ARHGAP24: variants seen among roughly 807,000 people sequenced by gnomAD.
The protein encoded by ARHGAP24 is rho GTPase-activating protein 24.
A neutral mutation model predicts 76.4 loss-of-function variants in ARHGAP24; 50 were observed. That is an observed-to-expected ratio of 0.65 (90% CI 0.52 to 0.83). ARHGAP24 has a LOEUF of 0.83. ARHGAP24 is among the 40% of genes least tolerant of loss of function. The pLI, the probability that ARHGAP24 is intolerant of heterozygous loss-of-function variation, is 0.00. For missense variants in ARHGAP24, 930 were observed against 914.2 expected, an observed-to-expected ratio of 1.02 and a Z score of -0.22; for synonymous variants, 345 against 323.3, an observed-to-expected ratio of 1.07 and a Z score of -0.72.
chr4:86,001,164 A>C lies in ARHGAP24; in HGVS notation c.*442A>C. ...ATTTCCCTTTTTTGCTGAGGAAATG[A>C]AGATAAGCAAAAATATAAATATATA... is the stretch of plus-strand genomic sequence containing the variant. On this transcript the variant is annotated 3_prime_UTR_variant, in exon 10 of 10. Coordinates refer to ENST00000395184, the MANE Select transcript of ARHGAP24 (RefSeq NM_001025616.3). 5.1e-6 allele frequency: 2 copies of C among 392,958 alleles called. No homozygotes were observed. The highest frequency in any genetic ancestry group is 8.9e-6 in the Non-Finnish European group (2 of 223,474). 24.3% of individuals were successfully genotyped at this position (392,958 alleles called of 1,614,324 possible).
chr4:86,000,788 C>A lies in ARHGAP24; in HGVS notation c.*66C>A. ...CTCCAGGGATTCTGGTGGGATATGA[C>A]TTAGAACCAGGTGGCTGGTCACCTG... On this transcript the variant is annotated 3_prime_UTR_variant, in exon 10 of 10. Transcript: ENST00000395184. The A allele has an allele frequency of 6.2e-7, 1 of 1,608,518 alleles. No individual in the cohort carries two copies. Among genetic ancestry groups the A allele is most frequent in the Non-Finnish European group, 8.5e-7 (1 of 1,176,994 alleles).
At chr4:85,667,821 G>C (rs575719632) in intron 2 of ARHGAP24, among the ~76,000 whole-genome samples, 9 of 152,094 alleles carry the variant, frequency 5.9e-5, no homozygotes, top group African/African-American at 2.2e-4. Flanking sequence ...ATTACCCACC[G>C]ACTTGTCTGA....
chr4:85,786,413 C>G (rs1727846283), intron 3 of ARHGAP24, among the ~76,000 whole-genome samples: 1 of 152,164 alleles, frequency 6.6e-6, no homozygotes, highest in African/African-American at 2.4e-5. Flanking sequence ...GTAGGGGAAG[C>G]CTTCCACACA....
intron 5 of ARHGAP24, among the ~76,000 whole-genome samples, chr4:85,964,291 GA>G (rs202239216): frequency 1.3e-4 from 20 of 150,676 alleles, no homozygotes; most frequent in Admixed American, 4.0e-4. Context: ...CATCCACTGT[GA>G]AAAAAAAATG....
chr4:85,903,917 T>TC (rs1002368022), intron 3 of ARHGAP24, among the ~76,000 whole-genome samples: 4 of 152,178 alleles, frequency 2.6e-5, no homozygotes, highest in African/African-American at 9.7e-5. Flanking sequence ...TATTTTCCTT[T>TC]CTTGAGTTTT....
intron 1 of ARHGAP24, among the ~76,000 whole-genome samples, chr4:85,481,475 A>G (rs1342011830): frequency 6.6e-6 from 1 of 152,168 alleles, no homozygotes; most frequent in African/African-American, 2.4e-5. Context: ...GGTCTTCTAG[A>G]TGACAGCATC....
chr4:85,879,733 AT>A, intron 3 of ARHGAP24, among the ~76,000 whole-genome samples: 1 of 152,144 alleles, frequency 6.6e-6, no homozygotes, highest in East Asian at 1.9e-4. Flanking sequence ...TATGTATTTA[AT>A]TAAATGTATT....
chr4:85,515,935 G>A (rs1419879596), intron 1 of ARHGAP24, among the ~76,000 whole-genome samples: 1 of 152,176 alleles, frequency 6.6e-6, no homozygotes, highest in East Asian at 1.9e-4. Flanking sequence ...TGCCAATGGA[G>A]GGTGCTGTCA....
chr4:86,001,515 G>T lies in ARHGAP24; in HGVS notation c.*793G>T. The T allele has an allele frequency of 2.5e-6, 1 of 398,292 alleles. No individual in the cohort carries two copies. The highest frequency in any genetic ancestry group is 1.3e-4 in the South Asian group (1 of 7,722). 24.7% of individuals were successfully genotyped at this position (398,292 alleles called of 1,614,324 possible). On this transcript the variant is annotated 3_prime_UTR_variant, in exon 10 of 10. Coordinates refer to ENST00000395184, the MANE Select transcript of ARHGAP24 (RefSeq NM_001025616.3). ...AAAATGGTAAAGAATGGCATTTAAC[G>T]ATTCAGGCTTTGAATTACTCTGTCC...
chr4:85,549,743 G>T (rs1259358179), intron 1 of ARHGAP24, among the ~76,000 whole-genome samples: 2 of 152,102 alleles, frequency 1.3e-5, no homozygotes, highest in East Asian at 1.9e-4. Context: ...GTAGTTTTTT[G>T]ATCCTTATGC....
intron 3 of ARHGAP24, among the ~76,000 whole-genome samples, chr4:85,724,518 TATATATATATAG>T (rs1265814934): frequency 8.6e-5 from 9 of 104,204 alleles, no homozygotes; most frequent in Admixed American, 6.4e-4. Context: ...TATATATATA[TATATATATATAG>T]GAATTTTTAT....
intron 2 of ARHGAP24, among the ~76,000 whole-genome samples, chr4:85,592,420 T>C (rs545823038): frequency 9.2e-4 from 140 of 152,350 alleles, no homozygotes; most frequent in African/African-American, 3.2e-3. Context: ...TCTGGTGTAA[T>C]AATTACATCA....
chr4:85,889,808 G>C, intron 3 of ARHGAP24, among the ~76,000 whole-genome samples: 1 of 152,180 alleles, frequency 6.6e-6, no homozygotes, highest in East Asian at 1.9e-4. Context: ...ATAGTAGCAA[G>C]AGCAATCACA....
At chr4:85,782,811 T>C (rs1331160993) in intron 3 of ARHGAP24, among the ~76,000 whole-genome samples, 2 of 152,214 alleles carry the variant, frequency 1.3e-5, no homozygotes, top group Non-Finnish European at 2.9e-5. Context: ...TTCTGGACAG[T>C]TGAAGAGGTA....
intron 6 of ARHGAP24, among the ~76,000 whole-genome samples, chr4:85,974,638 A>G (rs531511094): frequency 1.8e-4 from 27 of 152,226 alleles, no homozygotes; most frequent in Non-Finnish European, 3.7e-4. Context: ...AGCATATGTT[A>G]AAAATGATAA....
At chr4:85,601,535 G>A (rs72982048) in intron 2 of ARHGAP24, among the ~76,000 whole-genome samples, 8,687 of 152,086 alleles carry the variant, frequency 0.057, 823 homozygotes, top group African/African-American at 0.2. Flanking sequence ...GCTTCTACGC[G>A]CTAGATGCTT....
At chr4:85,979,218 A>G (rs1205543245) in intron 8 of ARHGAP24, among the ~76,000 whole-genome samples, 2 of 152,096 alleles carry the variant, frequency 1.3e-5, no homozygotes, top group South Asian at 4.1e-4. Flanking sequence ...ATGTCACTTC[A>G]TCTCTCTTTT....
chr4:85,762,224 C>T, intron 3 of ARHGAP24, among the ~76,000 whole-genome samples: 1 of 152,278 alleles, frequency 6.6e-6, no homozygotes, highest in East Asian at 1.9e-4. Context: ...TACGGAGCAA[C>T]CATCAGTATC....
chr4:85,956,359 A>G (rs1465611173), intron 5 of ARHGAP24, among the ~76,000 whole-genome samples: 2 of 152,084 alleles, frequency 1.3e-5, no homozygotes, highest in Non-Finnish European at 2.9e-5. Context: ...TTTGATAACT[A>G]TTGTCTTTAA....
Sources: gnomAD v4.1 joint callset for allele counts (sites outside exome capture counted in the v4.1 genomes callset) on GRCh38, gnomAD v4.1.1 for gene constraint, MANE v1.5 for transcripts, NCBI Gene and HGNC (gene_info 2026-07-23, HGNC 2026-07-21) for gene names.